MLLT3: variants seen among roughly 807,000 people sequenced by gnomAD.
MLLT3 encodes protein AF-9.
MLLT3 carries 4 observed loss-of-function variants against 53.2 expected under a neutral mutation model. That is an observed-to-expected ratio of 0.08 (90% CI 0.04 to 0.17). The LOEUF (loss-of-function observed/expected upper bound fraction) is 0.17, where lower values mean the gene tolerates loss of function less well. MLLT3 is among the 10% of genes least tolerant of loss of function. The pLI is 1.00. For synonymous variants in MLLT3, 283 were observed against 230.6 expected (o/e 1.23, Z -2.06); for missense variants, 569 against 684.0 (o/e 0.83, Z 1.87).
At chr9:20,462,781 C>T (rs1419995966) in intron 2 of MLLT3, among the ~76,000 whole-genome samples, 3 of 152,100 alleles carry the variant, frequency 2.0e-5, no homozygotes, top group East Asian at 1.9e-4. Flanking sequence ...CGTTCCTTAT[C>T]CCAGACCATC....
intron 2 of MLLT3, among the ~76,000 whole-genome samples, chr9:20,488,888 A>G (rs1824878202): frequency 6.6e-6 from 1 of 152,234 alleles, no homozygotes; most frequent in African/African-American, 2.4e-5. Flanking sequence ...TCACCATGTG[A>G]ATGCCCAGCC....
intron 3 of MLLT3, among the ~76,000 whole-genome samples, chr9:20,452,840 G>A (rs767112596): frequency 5.3e-5 from 8 of 152,156 alleles, no homozygotes; most frequent in South Asian, 2.1e-4. Flanking sequence ...AGACTGGAAC[G>A]GTGGTTACCA....
intron 2 of MLLT3, among the ~76,000 whole-genome samples, chr9:20,465,118 A>G (rs759107753): frequency 1.3e-5 from 2 of 152,142 alleles, no homozygotes; most frequent in Non-Finnish European, 2.9e-5. Context: ...AAGCATAAAA[A>G]AGCAGCAGAT....
intron 5 of MLLT3, among the ~76,000 whole-genome samples, chr9:20,370,534 G>C (rs943893341): frequency 1.1e-4 from 17 of 151,278 alleles, no homozygotes; most frequent in African/African-American, 3.7e-4. Context: ...TTTTGAGACA[G>C]AGTTTCGCTC....
At chr9:20,538,114 G>T (rs1283334459) in intron 2 of MLLT3, among the ~76,000 whole-genome samples, 1 of 152,132 alleles carries the variant, frequency 6.6e-6, no homozygotes, top group Non-Finnish European at 1.5e-5. Context: ...GTTCATTATT[G>T]CTGATGGAAT....
chr9:20,375,596 TTTTTTTTTCTTTTC>T lies in MLLT3; in HGVS notation c.1126-9866_1126-9853del, dbSNP rs1454759988. 2.6e-3 allele frequency among the ~76,000 whole-genome samples: 351 copies of T among 134,768 alleles called. 6 individuals carry two copies. The highest frequency in any genetic ancestry group is 0.012 in the African/African-American group (320 of 26,164). The allele number at this position is 134,768 out of a possible 152,430, so 88.4% of individuals were successfully genotyped here. ...GGAACCTTGTTATTTCAGTAATTTT[TTTTTTTTTCTTTTC>T]TTTTTTTTTTTTTTTGAGACAGAGT... On this transcript the variant is annotated intron_variant, in intron 5 of 10. Coordinates refer to ENST00000380338, the MANE Select transcript of MLLT3 (RefSeq NM_004529.4).
intron 2 of MLLT3, among the ~76,000 whole-genome samples, chr9:20,486,173 T>A (rs1290341331): frequency 3.3e-5 from 5 of 152,196 alleles, no homozygotes; most frequent in Non-Finnish European, 1.5e-5. Flanking sequence ...CCCAGAAAGA[T>A]TCTGGTTATA....
rs531456443 is a variant in MLLT3, at chr9:20,527,282, A to C, written c.194-70496T>G. 3.3e-5 allele frequency among the ~76,000 whole-genome samples: 5 copies of C among 152,324 alleles called. No individual in the cohort carries two copies. The East Asian group carries it at 9.6e-4, about 29-fold the overall frequency. On this transcript the variant is annotated intron_variant, in intron 2 of 10. Transcript: ENST00000380338. ...GGTAGAACAATATGCAAAAGCATAA[A>C]GAGCCATAAGCAGCAAAATTCAACT...
chr9:20,350,947 T>G (rs1052676404), intron 10 of MLLT3, among the ~76,000 whole-genome samples: 21 of 152,202 alleles, frequency 1.4e-4, no homozygotes, highest in African/African-American at 4.8e-4. Context: ...GGCCTTACTT[T>G]AACTGCTTCT....
chr9:20,467,732 G>C (rs942526245), intron 2 of MLLT3, among the ~76,000 whole-genome samples: 1 of 152,160 alleles, frequency 6.6e-6, no homozygotes, highest in Non-Finnish European at 1.5e-5. Flanking sequence ...AAAGAGAACA[G>C]AGAATACAGA....
intron 2 of MLLT3, among the ~76,000 whole-genome samples, chr9:20,616,121 C>CA (rs1420468603): frequency 1.3e-5 from 2 of 151,982 alleles, no homozygotes; most frequent in African/African-American, 4.8e-5. Flanking sequence ...ATCTTAAGCC[C>CA]AATAAGTATG....
intron 2 of MLLT3, among the ~76,000 whole-genome samples, chr9:20,577,415 T>C (rs1819681949): frequency 6.6e-6 from 1 of 152,172 alleles, no homozygotes; most frequent in Non-Finnish European, 1.5e-5. Context: ...GATATGAATC[T>C]GAAGAAATGC....
At chr9:20,529,663 C>T (rs1818280825) in intron 2 of MLLT3, among the ~76,000 whole-genome samples, 1 of 150,648 alleles carries the variant, frequency 6.6e-6, no homozygotes, top group South Asian at 2.1e-4. Flanking sequence ...AAGACCACTA[C>T]ACTAAGGCAT....
At position 20,441,752 on chromosome 9, in the gene MLLT3, T is replaced by C. The variant is rs139827933; in HGVS notation, c.420+6371A>G. Among the ~76,000 whole-genome samples, 37 of 152,248 alleles carry C rather than the reference T, an allele frequency of 2.4e-4. No individual in the cohort carries two copies. The East Asian group carries it at 6.9e-3, about 29-fold the overall frequency. On this transcript the variant is annotated intron_variant, in intron 4 of 10. Transcript: ENST00000380338. ...CCAAAACAAATATCCAAAAATCCAATGAAGCTGCCCAGTGACAGCCACTAA... is the reference window on the plus strand; with the variant it reads ...CCAAAACAAATATCCAAAAATCCAACGAAGCTGCCCAGTGACAGCCACTAA...
chr9:20,348,883 C>T (rs1255125099), intron 10 of MLLT3, among the ~76,000 whole-genome samples: 1 of 152,126 alleles, frequency 6.6e-6, no homozygotes, highest in African/African-American at 2.4e-5. Context: ...CTTTTCATGT[C>T]AATCATATAC....
At chr9:20,512,111 A>G (rs373574401) in intron 2 of MLLT3, among the ~76,000 whole-genome samples, 2 of 152,190 alleles carry the variant, frequency 1.3e-5, no homozygotes, top group East Asian at 1.9e-4. Context: ...CAAGCTTTCA[A>G]AAGTATTCCT....
intron 2 of MLLT3, among the ~76,000 whole-genome samples, chr9:20,483,899 G>C (rs943419412): frequency 5.3e-5 from 8 of 150,902 alleles, no homozygotes; most frequent in African/African-American, 2.0e-4. Context: ...TTTTAGTAGA[G>C]ATGGGGTTTC....
rs565222742 is a variant in MLLT3 at position 20,502,993 on chromosome 9, C to T, written c.194-46207G>A. ...CAGAATGCTTAGGAAAAAATTTAAA[C>T]CAAGAAGTTGAAAGACCTGTACACC... On this transcript the variant is annotated intron_variant, in intron 2 of 10. Coordinates refer to ENST00000380338, the MANE Select transcript of MLLT3 (RefSeq NM_004529.4). Among the ~76,000 whole-genome samples the T allele has an allele frequency of 7.9e-5, 12 of 152,060 alleles. 1 individual carries two copies. The South Asian group carries it at 2.5e-3, about 32-fold the overall frequency.
intron 4 of MLLT3, among the ~76,000 whole-genome samples, chr9:20,442,157 G>A (rs1209302895): frequency 6.6e-6 from 1 of 152,162 alleles, no homozygotes; most frequent in African/African-American, 2.4e-5. Context: ...TCACTCATGA[G>A]AGAAATGTGA....
Sources: allele counts gnomAD v4.1 joint callset (sites outside exome capture counted in the v4.1 genomes callset), GRCh38; gene constraint gnomAD v4.1.1; transcripts MANE v1.5; gene names NCBI Gene and HGNC (gene_info 2026-07-23, HGNC 2026-07-21).